The following ESYT2 variants were observed in gnomAD, a reference collection of about 807,000 sequenced individuals.
ESYT2 encodes the protein extended synaptotagmin-2.
ESYT2 carries 54 observed loss-of-function variants against 107.2 expected under a neutral mutation model. The ratio of observed to expected loss-of-function variants is 0.50; its 90% CI spans 0.40 to 0.63. The LOEUF (loss-of-function observed/expected upper bound fraction) is 0.63, where lower values mean the gene tolerates loss of function less well. ESYT2 is among the 30% of genes least tolerant of loss of function. ESYT2 has a pLI of 0.00. For synonymous variants in ESYT2, 491 were observed against 434.1 expected, an observed-to-expected ratio of 1.13 and a Z score of -1.63; for missense variants, 1,020 against 1,094.5, an observed-to-expected ratio of 0.93 and a Z score of 0.96.
chr7:158,794,636 C>T (rs547232727), intron 3 of ESYT2, among the ~76,000 whole-genome samples: 81 of 152,174 alleles, frequency 5.3e-4, no homozygotes, highest in Non-Finnish European at 1.0e-3. Context: ...ACTCCCCAGG[C>T]GTGGTGGCGT....
intron 16 of ESYT2, chr7:158,744,152 C>T (rs1470343801): frequency 6.5e-6 from 1 of 153,984 alleles, no homozygotes; most frequent in Non-Finnish European, 1.4e-5. Context: ...CATATTTCAG[C>T]CATATTCTCT....
chr7:158,817,258 C>G (rs1325896945), intron 1 of ESYT2, among the ~76,000 whole-genome samples: 1 of 152,210 alleles, frequency 6.6e-6, no homozygotes, highest in Non-Finnish European at 1.5e-5. Flanking sequence ...CTGACAGACT[C>G]TTTAAGTCTG....
At chr7:158,744,225 G>A (rs1403255113) in intron 16 of ESYT2, 1 of 152,196 alleles carries the variant, frequency 6.6e-6, no homozygotes, top group Non-Finnish European at 1.5e-5. Context: ...ACAAAACACT[G>A]TTAACAAGCA....
chr7:158,737,371 T>C (rs1413733911), intron 19 of ESYT2, among the ~76,000 whole-genome samples, 192 bp from the exon 20 acceptor site: 19 of 152,172 alleles, frequency 1.2e-4, no homozygotes, highest in Non-Finnish European at 2.8e-4. Flanking sequence ...ACTCCTTTCT[T>C]AGTGGCTTTC....
At chr7:158,764,231 T>G (rs1052766266) in intron 9 of ESYT2, among the ~76,000 whole-genome samples, 2 of 152,184 alleles carry the variant, frequency 1.3e-5, no homozygotes, top group Non-Finnish European at 2.9e-5. Flanking sequence ...GGTAAACAGA[T>G]GAAGGCGTCT....
At chr7:158,752,940 A>T (rs1445075936) in intron 13 of ESYT2, 97 bp from the exon 14 acceptor site, 5 of 797,472 alleles carry the variant, frequency 6.3e-6, no homozygotes, top group African/African-American at 1.8e-5. Flanking sequence ...GGGAATAAAC[A>T]AACAAAAATC....
intron 6 of ESYT2, among the ~76,000 whole-genome samples, chr7:158,782,385 GGTAAGAACGAGAACAA>G (rs1838910976): frequency 4.6e-5 from 4 of 86,702 alleles, no homozygotes; most frequent in African/African-American, 1.0e-4. Flanking sequence ...AACAAAGTGA[GGTAAGAACGAGAACAA>G]GTGAGTGAAC....
At chr7:158,809,390 C>T (rs979119196) in intron 1 of ESYT2, among the ~76,000 whole-genome samples, 21 of 143,480 alleles carry the variant, frequency 1.5e-4, no homozygotes, top group African/African-American at 4.9e-4. Context: ...GCAGGAGAAT[C>T]GCTTGAACCT....
chr7:158,791,770 T>C (rs893972911), intron 4 of ESYT2, among the ~76,000 whole-genome samples: 4 of 152,210 alleles, frequency 2.6e-5, no homozygotes, highest in African/African-American at 9.7e-5. Context: ...ATAGGGCTGT[T>C]TGGTTGTTCT....
chr7:158,807,332 G>A (rs1045998301), intron 1 of ESYT2, among the ~76,000 whole-genome samples: 5 of 150,642 alleles, frequency 3.3e-5, no homozygotes, highest in African/African-American at 1.2e-4. Context: ...AATTAACATC[G>A]GACTTAAAAT....
chr7:158,769,731 A>G (rs1469034308), intron 7 of ESYT2, among the ~76,000 whole-genome samples: 1 of 152,190 alleles, frequency 6.6e-6, no homozygotes, highest in Non-Finnish European at 1.5e-5. Context: ...CCGCTTATTA[A>G]AACACAATGG....
At chr7:158,781,565 G>A (rs36154850) in intron 6 of ESYT2, among the ~76,000 whole-genome samples, 16,284 of 151,736 alleles carry the variant, frequency 0.11, 914 homozygotes, top group African/African-American at 0.13. Flanking sequence ...GTGAACGACT[G>A]TGAGAACAAA....
rs35914882 is a variant in ESYT2 at position 158,735,578 on chromosome 7, C to A, written c.2430G>T (p.Val810=). 1 of 1,612,778 alleles carries A rather than the reference C, an allele frequency of 6.2e-7. No homozygotes were observed. Among genetic ancestry groups the A allele is most frequent in the Non-Finnish European group, 8.5e-7 (1 of 1,178,976 alleles). The change falls in exon 21 of 23, where the codon GTG becomes GTT. Residue 810 remains valine (V), a synonymous_variant. Transcript: ENST00000275418. ...SFDFSVSLPE[V]QRRTLDVAVK... ...CGGCAACGTCGAGCGTTCTCCTCTGCACTTCTGGTAACGAAACACTGAAAT... is the reference window on the plus strand; with the variant it reads ...CGGCAACGTCGAGCGTTCTCCTCTGAACTTCTGGTAACGAAACACTGAAAT...
intron 1 of ESYT2, among the ~76,000 whole-genome samples, chr7:158,809,474 C>CAAAAAAAAAAA (rs67422901): frequency 4.4e-4 from 22 of 49,736 alleles, no homozygotes; most frequent in East Asian, 7.9e-4. Context: ...GAATCCATCT[C>CAAAAAAAAAAA]AAAAAAAAAA....
intron 14 of ESYT2, 106 bp downstream of exon 14, chr7:158,752,675 A>T: frequency 1.6e-6 from 1 of 636,342 alleles, no homozygotes; most frequent in Non-Finnish European, 2.4e-6. Context: ...ACAATTAATT[A>T]CTACATAAAT....
At chr7:158,786,367 T>C (rs1839116328) in intron 6 of ESYT2, among the ~76,000 whole-genome samples, 1 of 152,186 alleles carries the variant, frequency 6.6e-6, no homozygotes, top group Non-Finnish European at 1.5e-5. Flanking sequence ...TGAGGTTTTT[T>C]TGGTCACTAA....
chr7:158,829,496 G>T lies in ESYT2; in HGVS notation c.-78C>A. ...CTGATCCCGGGCGGCTCAGCCCCGC[G>T]CCAGCGCCCCTCTGAGGGGACGCGG... On this transcript the variant is annotated 5_prime_UTR_variant, in exon 1 of 23. Coordinates refer to ENST00000275418, the MANE Select transcript of ESYT2 (RefSeq NM_001367773.1). The T allele has an allele frequency of 2.4e-6, 3 of 1,237,900 alleles. No homozygotes were observed. The highest frequency in any genetic ancestry group is 3.0e-6 in the Non-Finnish European group (3 of 990,624). 76.7% of individuals were successfully genotyped at this position (1,237,900 alleles called of 1,614,324 possible).
intron 1 of ESYT2, among the ~76,000 whole-genome samples, chr7:158,809,024 A>G (rs900599479): frequency 1.4e-4 from 21 of 152,026 alleles, no homozygotes; most frequent in African/African-American, 4.8e-4. Context: ...AAATAAACAA[A>G]TAAGTTTGTG....
chr7:158,732,542 C>A lies in ESYT2; in HGVS notation c.*1665G>T, dbSNP rs1439834080. ...GCTACAGACTCCATTATAAGTAAACCCATGGTTCAAAGTGTAAGTTATAAA... is the reference window on the plus strand; with the variant it reads ...GCTACAGACTCCATTATAAGTAAACACATGGTTCAAAGTGTAAGTTATAAA... On this transcript the variant is annotated 3_prime_UTR_variant, in exon 23 of 23. Coordinates refer to ENST00000275418, the MANE Select transcript of ESYT2 (RefSeq NM_001367773.1). 6.6e-6 allele frequency: 1 copy of A among 152,228 alleles called. No individual in the cohort carries two copies. The highest frequency in any genetic ancestry group is 2.4e-5 in the African/African-American group (1 of 41,414). The allele number at this position is 152,228 out of a possible 1,614,324, so 9.4% of individuals were successfully genotyped here. A position where few individuals can be genotyped will look rare whatever the true frequency, so the allele number is the denominator to read the frequency against.
Sources: allele counts gnomAD v4.1 joint callset (sites outside exome capture counted in the v4.1 genomes callset), GRCh38; gene constraint gnomAD v4.1.1; transcripts MANE v1.5; gene names NCBI Gene and HGNC (gene_info 2026-07-23, HGNC 2026-07-21).